The following FMN1 variants were observed in gnomAD, a reference collection of about 807,000 sequenced individuals.
FMN1 encodes the protein formin 1.
FMN1 carries 110 observed loss-of-function variants against 132.4 expected under a neutral mutation model. The observed-to-expected ratio is 0.83, with a 90% confidence interval of 0.71 to 0.97. The LOEUF is 0.97. Ranked by LOEUF, FMN1 falls within the 50% of genes least tolerant of loss-of-function variation. The pLI, the probability that FMN1 is intolerant of heterozygous loss-of-function variation, is 0.00. For synonymous variants in FMN1, 722 were observed against 651.7 expected (o/e 1.11, Z -1.64); for missense variants, 1,792 against 1,705.3 (o/e 1.05, Z -0.90).
intron 2 of FMN1, among the ~76,000 whole-genome samples, chr15:33,190,688 A>G (rs1250629067): frequency 6.6e-6 from 1 of 152,184 alleles, no homozygotes; most frequent in Non-Finnish European, 1.5e-5. Context: ...TTTAACAAAA[A>G]CATGAACTAG....
intron 16 of FMN1, among the ~76,000 whole-genome samples, chr15:32,862,755 T>C (rs148651735): frequency 1.1e-4 from 17 of 152,362 alleles, no homozygotes; most frequent in Non-Finnish European, 2.4e-4. Context: ...TATGAAGATA[T>C]GAAACTTGTT....
rs1186990184 is a variant in FMN1, at chr15:32,824,938, T to C, written c.3929-20606A>G. ...CAATTATTCCCTGAATTGTCTACCA[T>C]AACACAAATTTGTTCCTTTCCTTGT... is the stretch of plus-strand genomic sequence containing the variant. On this transcript the variant is annotated intron_variant, in intron 17 of 20. Coordinates refer to ENST00000616417, the MANE Select transcript of FMN1 (RefSeq NM_001277313.2). Among the ~76,000 whole-genome samples the C allele has an allele frequency of 2.0e-5, 3 of 152,210 alleles. No individual in the cohort carries two copies. The East Asian group carries it at 5.8e-4, about 29-fold the overall frequency.
intron 4 of FMN1, among the ~76,000 whole-genome samples, chr15:33,095,701 C>G (rs1555398814): frequency 6.6e-6 from 1 of 150,820 alleles, no homozygotes; most frequent in Admixed American, 6.6e-5. Flanking sequence ...AATAAGAATG[C>G]AAAAAAAAGT....
At chr15:32,922,538 G>C (rs902035529) in intron 10 of FMN1, among the ~76,000 whole-genome samples, 1 of 152,104 alleles carries the variant, frequency 6.6e-6, no homozygotes, top group Non-Finnish European at 1.5e-5. Context: ...AGTGTAGGCT[G>C]TGTTAAGGAG....
chr15:32,849,355 T>C (rs912880960), intron 17 of FMN1, among the ~76,000 whole-genome samples: 1 of 152,064 alleles, frequency 6.6e-6, no homozygotes, highest in Non-Finnish European at 1.5e-5. Context: ...TTCATTTTTA[T>C]CTGAATGATA....
At chr15:33,110,653 A>G (rs1221776511) in intron 4 of FMN1, among the ~76,000 whole-genome samples, 1 of 151,104 alleles carries the variant, frequency 6.6e-6, no homozygotes, top group Admixed American at 6.6e-5. Flanking sequence ...TTTCTTTTTA[A>G]TATTTGATTA....
At chr15:33,004,718 G>C (rs1199483654) in intron 7 of FMN1, among the ~76,000 whole-genome samples, 4 of 152,116 alleles carry the variant, frequency 2.6e-5, no homozygotes, top group Non-Finnish European at 5.9e-5. Context: ...AAATCATGCT[G>C]CTATAAAGAC....
At chr15:32,961,936 G>C (rs183126664) in intron 9 of FMN1, among the ~76,000 whole-genome samples, 40 of 152,094 alleles carry the variant, frequency 2.6e-4, no homozygotes, top group Admixed American at 1.9e-3. Flanking sequence ...GAGTCCTTGA[G>C]TCACTACTCA....
At chr15:33,013,372 A>G (rs1163443947) in intron 6 of FMN1, among the ~76,000 whole-genome samples, 2 of 152,222 alleles carry the variant, frequency 1.3e-5, no homozygotes, top group Non-Finnish European at 2.9e-5. Context: ...TAAATGTAAT[A>G]GTCTGATCAT....
intron 8 of FMN1, among the ~76,000 whole-genome samples, chr15:32,968,439 C>G (rs571424950): frequency 6.6e-6 from 1 of 152,278 alleles, no homozygotes; most frequent in East Asian, 1.9e-4. Context: ...TAGATCCGGA[C>G]TCTTGTCTAG....
At chr15:32,900,355 T>G (rs2060265775) in intron 13 of FMN1, 2 of 674,336 alleles carry the variant, frequency 3.0e-6, no homozygotes, top group Non-Finnish European at 2.7e-6. Flanking sequence ...AGTGCATGTT[T>G]TAATACATGA....
rs545248396 is a variant in FMN1, at chr15:32,963,358, G to T, written c.3138+749C>A. Among the ~76,000 whole-genome samples, 7 of 132,964 alleles carry T rather than the reference G, an allele frequency of 5.3e-5. No homozygotes were observed. The South Asian group carries it at 1.7e-3, about 33-fold the overall frequency. The allele number at this position is 132,964 out of a possible 152,430, so 87.2% of individuals were successfully genotyped here. ...GGGACTGTTGTGGGGTCGGGGGGGT[G>T]GGGGGAGGGAAAGCACTGGGAGATA... On this transcript the variant is annotated intron_variant, in intron 9 of 20. Coordinates refer to ENST00000616417, the MANE Select transcript of FMN1 (RefSeq NM_001277313.2).
intron 4 of FMN1, among the ~76,000 whole-genome samples, chr15:33,104,904 A>C (rs28580878): frequency 6.6e-6 from 1 of 152,140 alleles, no homozygotes; most frequent in Non-Finnish European, 1.5e-5. Flanking sequence ...CATCCAAAGA[A>C]AGAGCAAAAA....
At chr15:32,783,656 T>C (rs1328010123) in intron 19 of FMN1, among the ~76,000 whole-genome samples, 1 of 142,812 alleles carries the variant, frequency 7.0e-6, no homozygotes, top group Non-Finnish European at 1.5e-5. Context: ...GGCAGGAGAA[T>C]GGCGTGAACC....
At chr15:32,906,837 T>A (rs929035254) in intron 12 of FMN1, among the ~76,000 whole-genome samples, 1 of 152,170 alleles carries the variant, frequency 6.6e-6, no homozygotes, top group Non-Finnish European at 1.5e-5. Flanking sequence ...TCACTTGACT[T>A]GATTCACAAT....
At chr15:32,993,672 G>C (rs1425311712) in intron 7 of FMN1, among the ~76,000 whole-genome samples, 1 of 152,152 alleles carries the variant, frequency 6.6e-6, no homozygotes. Context: ...GGAGAATCAA[G>C]CTGTACACAT....
intron 4 of FMN1, among the ~76,000 whole-genome samples, chr15:33,146,957 G>T (rs745636522): frequency 6.6e-6 from 1 of 151,986 alleles, no homozygotes; most frequent in Non-Finnish European, 1.5e-5. Context: ...GGCAGATCAC[G>T]AGGTCAGGAG....
intron 5 of FMN1, among the ~76,000 whole-genome samples, chr15:33,069,990 TCTC>T (rs1445176150): frequency 6.4e-5 from 6 of 93,982 alleles, no homozygotes; most frequent in South Asian, 5.0e-4. Flanking sequence ...GATCAGTCTT[TCTC>T]TTTTTTTTTT....
rs761210009 is a variant in FMN1 at position 32,865,785 on chromosome 15, G to A, written c.3836-8678C>T. Among the ~76,000 whole-genome samples, 27 of 150,534 alleles carry A rather than the reference G, an allele frequency of 1.8e-4. 1 individual carries two copies. Among genetic ancestry groups the A allele is most frequent in the Middle Eastern group, 6.8e-3 (2 of 292 alleles). ...TGGGAGGCGGAAGTTGTGGTAAGCT[G>A]AGATCATGCCATTGCACTCCAGCCT... On this transcript the variant is annotated intron_variant, in intron 16 of 20. Transcript: ENST00000616417.
Sources: gnomAD v4.1 joint callset for allele counts (sites outside exome capture counted in the v4.1 genomes callset) on GRCh38, gnomAD v4.1.1 for gene constraint, MANE v1.5 for transcripts, NCBI Gene and HGNC (gene_info 2026-07-23, HGNC 2026-07-21) for gene names.